The following DISC1 variants were observed in gnomAD, a reference collection of about 807,000 sequenced individuals.
DISC1 encodes disrupted in schizophrenia 1 protein.
DISC1 carries 57 observed loss-of-function variants against 84.5 expected under a neutral mutation model. The observed-to-expected ratio is 0.67, with a 90% confidence interval of 0.55 to 0.84. DISC1 has a LOEUF of 0.84. DISC1 is among the 40% of genes least tolerant of loss of function. The pLI is 0.00. For synonymous variants in DISC1, 411 were observed against 415.2 expected, an observed-to-expected ratio of 0.99 and a Z score of 0.12; for missense variants, 1,000 against 1,057.8, an observed-to-expected ratio of 0.95 and a Z score of 0.76.
At chr1:231,640,085 C>T (rs941350546) in intron 1 of DISC1, among the ~76,000 whole-genome samples, 1 of 152,156 alleles carries the variant, frequency 6.6e-6, no homozygotes, top group African/African-American at 2.4e-5. Flanking sequence ...AGATTACTGC[C>T]AGATGAATTA....
intron 10 of DISC1, among the ~76,000 whole-genome samples, chr1:231,991,573 G>A (rs1665204347): frequency 6.6e-6 from 1 of 152,184 alleles, no homozygotes; most frequent in African/African-American, 2.4e-5. Context: ...AAAACGGGGG[G>A]CCCCACAAAC....
At chr1:231,973,335 C>T (rs375196455) in intron 10 of DISC1, among the ~76,000 whole-genome samples, 3 of 152,064 alleles carry the variant, frequency 2.0e-5, no homozygotes, top group African/African-American at 7.2e-5. Flanking sequence ...CGTGAGCCAC[C>T]GCACCCGGCC....
chr1:231,749,773 T>C (rs1025139229), intron 3 of DISC1, among the ~76,000 whole-genome samples, 153 bp from the exon 4 acceptor site: 1 of 152,236 alleles, frequency 6.6e-6, no homozygotes, highest in Non-Finnish European at 1.5e-5. Flanking sequence ...AAGTACCAAC[T>C]GAGAGATGAA....
intron 9 of DISC1, among the ~76,000 whole-genome samples, chr1:231,824,303 G>A (rs896104208): frequency 1.5e-4 from 23 of 152,030 alleles, no homozygotes; most frequent in Non-Finnish European, 2.5e-4. Flanking sequence ...TTCCAAATTC[G>A]AAATCTTTGG....
intron 11 of DISC1, among the ~76,000 whole-genome samples, chr1:232,017,480 CTTTTT>C (rs56672398): frequency 3.0e-5 from 4 of 132,798 alleles, no homozygotes; most frequent in Non-Finnish European, 3.2e-5. Flanking sequence ...AACACCTGTC[CTTTTT>C]TTTTTTTTTT....
chr1:231,663,992 T>C (rs1436460700), intron 1 of DISC1, among the ~76,000 whole-genome samples: 3 of 152,162 alleles, frequency 2.0e-5, no homozygotes, highest in Non-Finnish European at 4.4e-5. Flanking sequence ...TTTTGTGAGC[T>C]TCAGTTTCAT....
chr1:231,699,065 G>T (rs1053578610), intron 2 of DISC1, among the ~76,000 whole-genome samples: 1 of 151,970 alleles, frequency 6.6e-6, no homozygotes, highest in Non-Finnish European at 1.5e-5. Flanking sequence ...AGAGATTTTT[G>T]GGGGGCAAGA....
chr1:231,678,657 A>ATCTC (rs146706314), intron 1 of DISC1, among the ~76,000 whole-genome samples: 2 of 151,240 alleles, frequency 1.3e-5, no homozygotes, highest in African/African-American at 4.8e-5. Context: ...ACGTTGCTCT[A>ATCTC]TCTCTCTCTC....
chr1:232,002,817 A>G (rs1666884174), intron 10 of DISC1, among the ~76,000 whole-genome samples: 2 of 152,180 alleles, frequency 1.3e-5, no homozygotes, highest in South Asian at 4.1e-4. Context: ...TGATAATTGA[A>G]TTGTTCTGTA....
intron 11 of DISC1, among the ~76,000 whole-genome samples, chr1:232,023,475 T>C (rs77972289): frequency 0.1 from 15,915 of 152,230 alleles, 1,097 homozygotes; most frequent in Non-Finnish European, 0.14. Context: ...AAATTATTTC[T>C]TTTTGATAGA....
At chr1:232,023,693 G>A (rs1263447017) in intron 11 of DISC1, among the ~76,000 whole-genome samples, 4 of 152,120 alleles carry the variant, frequency 2.6e-5, no homozygotes, top group African/African-American at 7.2e-5. Context: ...CATATTTGTT[G>A]TAGCCGTAAG....
intron 6 of DISC1, among the ~76,000 whole-genome samples, chr1:231,786,244 C>G (rs1449956692): frequency 6.6e-6 from 1 of 152,102 alleles, no homozygotes; most frequent in Non-Finnish European, 1.5e-5. Flanking sequence ...GATAGTAGAC[C>G]TGGAAGGATT....
In DISC1 at chr1:232,039,812, C is replaced by G. The variant is rs1307678590; in HGVS notation, c.*2981C>G. 3.3e-5 allele frequency: 5 copies of G among 152,032 alleles called. No homozygotes were observed. The highest frequency in any genetic ancestry group is 7.3e-5 in the Non-Finnish European group (5 of 68,034). The allele number at this position is 152,032 out of a possible 1,614,324, so 9.4% of individuals were successfully genotyped here. ...CCAAGACCACAAGCAAAAGCACATA[C>G]TGGAAATGATGAGTTAGAATCTGAT... On this transcript the variant is annotated 3_prime_UTR_variant, in exon 13 of 13. Coordinates refer to ENST00000439617, the MANE Select transcript of DISC1 (RefSeq NM_018662.3).
chr1:231,948,603 A>C (rs1034222198), intron 9 of DISC1, among the ~76,000 whole-genome samples: 1 of 150,662 alleles, frequency 6.6e-6, no homozygotes, highest in Non-Finnish European at 1.5e-5. Context: ...TTAAAGTATA[A>C]TTAAAAAAAA....
chr1:231,696,398 A>G (rs747339048), intron 2 of DISC1, among the ~76,000 whole-genome samples: 4 of 152,230 alleles, frequency 2.6e-5, no homozygotes, highest in Non-Finnish European at 4.4e-5. Flanking sequence ...AATAGCTCCA[A>G]TTTAGAGAGT....
chr1:231,814,465 T>C (rs1046386464), intron 8 of DISC1, among the ~76,000 whole-genome samples: 3 of 152,242 alleles, frequency 2.0e-5, no homozygotes, highest in African/African-American at 4.8e-5. Flanking sequence ...TTTAGGCTTT[T>C]GAAAAATCAC....
intron 1 of DISC1, among the ~76,000 whole-genome samples, chr1:231,628,903 A>G (rs1025580955): frequency 5.9e-5 from 9 of 151,680 alleles, no homozygotes; most frequent in Admixed American, 1.3e-4. Flanking sequence ...CACCATGCCC[A>G]GCTAATTTTT....
intron 3 of DISC1, among the ~76,000 whole-genome samples, chr1:231,709,976 C>T (rs2067605710): frequency 6.6e-6 from 1 of 152,142 alleles, no homozygotes; most frequent in South Asian, 2.1e-4. Flanking sequence ...TAGGAGGCTG[C>T]CTGGGATTCC....
chr1:231,968,635 T>TCACACACA (rs1200127978), intron 10 of DISC1, among the ~76,000 whole-genome samples: 1 of 149,200 alleles, frequency 6.7e-6, no homozygotes, highest in Non-Finnish European at 1.5e-5. Context: ...AAAAGCCCTC[T>TCACACACA]CACACACACA....
Sources: allele counts gnomAD v4.1 joint callset (sites outside exome capture counted in the v4.1 genomes callset), GRCh38; gene constraint gnomAD v4.1.1; transcripts MANE v1.5; gene names NCBI Gene and HGNC (gene_info 2026-07-23, HGNC 2026-07-21).